The following SPIRE1 variants were observed in gnomAD, a reference collection of about 807,000 sequenced individuals.
SPIRE1 encodes the protein spire type actin nucleation factor 1.
In SPIRE1, 40 loss-of-function variants were observed where a neutral mutation model predicts 94.1. The ratio of observed to expected loss-of-function variants is 0.43; its 90% confidence interval spans 0.33 to 0.55. The LOEUF (loss-of-function observed/expected upper bound fraction) is 0.55. SPIRE1 is among the 20% of genes least tolerant of loss of function. The probability of loss-of-function intolerance (pLI) is 0.06; values close to 1 mark genes in which losing one functional copy is unlikely to be tolerated. For synonymous variants in SPIRE1, 376 were observed against 371.7 expected (o/e 1.01, Z -0.13); for missense variants, 838 against 975.2 (o/e 0.86, Z 1.87).
intron 2 of SPIRE1, among the ~76,000 whole-genome samples, chr18:12,611,016 G>A (rs557111404): frequency 7.2e-5 from 11 of 151,928 alleles, no homozygotes; most frequent in East Asian, 3.9e-4. Flanking sequence ...ATCCCCTCTC[G>A]CCAAGGTAAT....
chr18:12,458,387 G>A (rs946506918), intron 12 of SPIRE1, among the ~76,000 whole-genome samples: 5 of 151,666 alleles, frequency 3.3e-5, no homozygotes, highest in Non-Finnish European at 7.4e-5. Context: ...CGAGGTGGGC[G>A]GATCACGAGG....
chr18:12,476,564 AATATATAT>A (rs1261493981), intron 10 of SPIRE1, among the ~76,000 whole-genome samples: 1,811 of 68,912 alleles, frequency 0.026, 75 homozygotes, highest in Middle Eastern at 0.062. Flanking sequence ...AAAAAAAAAA[AATATATAT>A]ATATATATAT....
At chr18:12,599,033 T>G (rs1209119116) in intron 2 of SPIRE1, among the ~76,000 whole-genome samples, 1 of 152,190 alleles carries the variant, frequency 6.6e-6, no homozygotes, top group African/African-American at 2.4e-5. Context: ...CACATTTTCT[T>G]TCACAAACCG....
At chr18:12,566,556 T>A (rs888224577) in intron 2 of SPIRE1, among the ~76,000 whole-genome samples, 2 of 152,170 alleles carry the variant, frequency 1.3e-5, no homozygotes, top group Non-Finnish European at 2.9e-5. Flanking sequence ...TATGTATATA[T>A]CTTATTCGGG....
intron 2 of SPIRE1, among the ~76,000 whole-genome samples, chr18:12,600,624 G>A (rs550386079): frequency 3.3e-5 from 5 of 152,236 alleles, no homozygotes; most frequent in African/African-American, 1.2e-4. Flanking sequence ...GGCACTGTAA[G>A]GAAGAACTTT....
At chr18:12,515,189 C>A (rs1047857309) in intron 4 of SPIRE1, among the ~76,000 whole-genome samples, 9 of 152,078 alleles carry the variant, frequency 5.9e-5, no homozygotes, top group Admixed American at 4.6e-4. Flanking sequence ...TGAATAAACT[C>A]ATCTTTATAA....
intron 8 of SPIRE1, among the ~76,000 whole-genome samples, chr18:12,487,999 G>C (rs138788668): frequency 5.9e-5 from 9 of 152,226 alleles, no homozygotes; most frequent in African/African-American, 2.2e-4. Flanking sequence ...TCAGAAACCA[G>C]CACATCAGAC....
intron 2 of SPIRE1, among the ~76,000 whole-genome samples, chr18:12,598,460 T>G (rs112762415): frequency 1.3e-5 from 2 of 152,180 alleles, no homozygotes; most frequent in Non-Finnish European, 2.9e-5. Context: ...ACACTGTTTT[T>G]TTTTTCCCTA....
chr18:12,517,745 A>G (rs1300551705), intron 4 of SPIRE1, among the ~76,000 whole-genome samples: 1 of 152,236 alleles, frequency 6.6e-6, no homozygotes, highest in Admixed American at 6.5e-5. Context: ...AATCAGAAGT[A>G]TGTCAAATGC....
intron 2 of SPIRE1, among the ~76,000 whole-genome samples, chr18:12,560,808 G>A (rs377178254): frequency 5.3e-5 from 8 of 152,092 alleles, no homozygotes; most frequent in African/African-American, 9.7e-5. Context: ...AGCCAAGATC[G>A]CCCCACTGCA....
chr18:12,492,792 G>A (rs1238252400), intron 8 of SPIRE1, among the ~76,000 whole-genome samples: 1 of 152,138 alleles, frequency 6.6e-6, no homozygotes, highest in East Asian at 1.9e-4. Flanking sequence ...CCTAGAGACT[G>A]GCAGAGCTCT....
chr18:12,539,176 T>TC (rs773925442), intron 3 of SPIRE1, among the ~76,000 whole-genome samples: 1 of 152,232 alleles, frequency 6.6e-6, no homozygotes, highest in African/African-American at 2.4e-5. Context: ...TTTGGCTGTG[T>TC]CCCCACCCAA....
At chr18:12,590,475 A>G (rs1287007728) in intron 2 of SPIRE1, among the ~76,000 whole-genome samples, 2 of 152,234 alleles carry the variant, frequency 1.3e-5, no homozygotes, top group Non-Finnish European at 2.9e-5. Flanking sequence ...TCCCATAGAA[A>G]AAGTTTTCGG....
intron 9 of SPIRE1, among the ~76,000 whole-genome samples, chr18:12,485,375 G>C (rs1226788832): frequency 6.6e-6 from 1 of 152,086 alleles, no homozygotes; most frequent in African/African-American, 2.4e-5. Context: ...AAAGTGCTGG[G>C]ATTACAGGCG....
At chr18:12,656,786 G>T in intron 1 of SPIRE1, 1 of 574,038 alleles carries the variant, frequency 1.7e-6, no homozygotes. Flanking sequence ...TTTTACATTA[G>T]ACAATGACGT....
At chr18:12,479,997 G>A in intron 9 of SPIRE1, 126 bp from the exon 10 acceptor site, 1 of 810,652 alleles carries the variant, frequency 1.2e-6, no homozygotes, top group Non-Finnish European at 1.8e-6. Context: ...CCTTGCCTAT[G>A]TATAGAAAAC....
At chr18:12,617,457 G>C (rs1017633118) in intron 2 of SPIRE1, among the ~76,000 whole-genome samples, 1 of 151,966 alleles carries the variant, frequency 6.6e-6, no homozygotes, top group South Asian at 2.1e-4. Context: ...TTTTGTCCAG[G>C]CTGGAGTGCA....
At chr18:12,638,450 CATTA>C (rs138180234) in intron 1 of SPIRE1, among the ~76,000 whole-genome samples, 1,625 of 152,142 alleles carry the variant, frequency 0.011, 11 homozygotes, top group Middle Eastern at 0.027. Context: ...CCTCAGAAAC[CATTA>C]ATTAATTAAT....
chr18:12,507,812 C>T (rs1032214954), intron 5 of SPIRE1, among the ~76,000 whole-genome samples: 4 of 151,978 alleles, frequency 2.6e-5, no homozygotes, highest in African/African-American at 9.7e-5. Context: ...GAGTGAAGTC[C>T]ATCACAATAT....
Sources: gnomAD v4.1 joint callset for allele counts (sites outside exome capture counted in the v4.1 genomes callset) on GRCh38, gnomAD v4.1.1 for gene constraint, MANE v1.5 for transcripts, NCBI Gene and HGNC (gene_info 2026-07-23, HGNC 2026-07-21) for gene names.